SMARCC1: variants seen among roughly 807,000 people sequenced by gnomAD.
The protein encoded by SMARCC1 is SWI/SNF related BAF chromatin remodeling complex subunit C1.
A neutral mutation model predicts 147.4 loss-of-function variants in SMARCC1; 43 were observed. The ratio of observed to expected loss-of-function variants is 0.29; its 90% CI spans 0.23 to 0.38. The LOEUF is 0.38. Among genes scored for constraint, SMARCC1 ranks in the 10% least tolerant of loss-of-function variants. The probability of loss-of-function intolerance (pLI) is 1.00; values close to 1 mark genes in which losing one functional copy is unlikely to be tolerated. For missense variants in SMARCC1, 1,119 were observed against 1,381.1 expected (o/e 0.81, Z 3.01); for synonymous variants, 495 against 484.4 (o/e 1.02, Z -0.29).
intron 2 of SMARCC1, among the ~76,000 whole-genome samples, chr3:47,769,463 G>A (rs1025346080): frequency 2.2e-4 from 34 of 151,700 alleles, no homozygotes; most frequent in African/African-American, 6.8e-4. Context: ...TCCTGACCTC[G>A]TGATCCGCCC....
At chr3:47,680,737 C>T (rs1473834916) in intron 14 of SMARCC1, among the ~76,000 whole-genome samples, 5 of 151,336 alleles carry the variant, frequency 3.3e-5, no homozygotes, top group African/African-American at 7.3e-5. Context: ...TTAGTAGAGA[C>T]GGGGTTTCAC....
At chr3:47,639,999 T>C (rs2033028293) in intron 21 of SMARCC1, among the ~76,000 whole-genome samples, 1 of 151,932 alleles carries the variant, frequency 6.6e-6, no homozygotes, top group African/African-American at 2.4e-5. Flanking sequence ...TCAACAAATT[T>C]CAAATAACCA....
intron 24 of SMARCC1, among the ~76,000 whole-genome samples, chr3:47,625,618 G>A (rs908028308): frequency 3.3e-5 from 5 of 152,064 alleles, no homozygotes; most frequent in African/African-American, 1.2e-4. Flanking sequence ...TGGGAAAACT[G>A]AATATCCAAA....
At chr3:47,703,656 G>A (rs1010250499) in intron 10 of SMARCC1, among the ~76,000 whole-genome samples, 1 of 152,216 alleles carries the variant, frequency 6.6e-6, no homozygotes, top group African/African-American at 2.4e-5. Context: ...AGAAAAAGCT[G>A]TCTGAAACAG....
chr3:47,745,984 A>C lies in SMARCC1; in HGVS notation c.325T>G (p.Phe109Val). Residue 109 changes from phenylalanine (F) to valine (V), a missense_variant, in exon 3 of 28, where the codon TTC (phenylalanine) becomes GTC (valine). Phe to Val is a conservative substitution (Grantham distance 50, BLOSUM62 -1). This residue lies in a region of SMARCC1 where 542 missense variants were observed against 611.8 expected (regional missense o/e 0.89). Transcript: ENST00000254480. ...GCGCCTCCAGCTTTGAAATCCATGAAACACTTTGCCTAAAAATGATACAAA... is the reference window on the plus strand; with the variant it reads ...GCGCCTCCAGCTTTGAAATCCATGACACACTTTGCCTAAAAATGATACAAA... ...PAFTKLPAKCFMDFKAGGALC... is the reference protein window; with the variant it reads ...PAFTKLPAKCVMDFKAGGALC... 3.2e-6 allele frequency: 5 copies of C among 1,578,434 alleles called. No homozygotes were observed. Among genetic ancestry groups the C allele is most frequent in the Non-Finnish European group, 4.3e-6 (5 of 1,167,274 alleles).
chr3:47,622,381 T>A, intron 24 of SMARCC1, 40 bp from the exon 25 acceptor site: 1 of 1,600,444 alleles, frequency 6.2e-7, no homozygotes, highest in Non-Finnish European at 8.5e-7. Flanking sequence ...AGGTAAACAT[T>A]TGCTTAAAGA....
At chr3:47,666,178 G>A (rs2033417704) in intron 19 of SMARCC1, among the ~76,000 whole-genome samples, 1 of 151,952 alleles carries the variant, frequency 6.6e-6, no homozygotes, top group African/African-American at 2.4e-5. Flanking sequence ...ATTCCTACTA[G>A]GTATTGTGCC....
chr3:47,636,008 T>A lies in SMARCC1; in HGVS notation c.2491+14A>T, dbSNP rs1027174141. ...GTTTTACATAATAATATCTAAGGAG[T>A]TTCCTCAAATTACCTGATTTGGTAT... On this transcript the variant is annotated intron_variant, in intron 23 of 27. Coordinates refer to ENST00000254480, the MANE Select transcript of SMARCC1 (RefSeq NM_003074.4). 1 of 1,265,428 alleles carries A rather than the reference T, an allele frequency of 7.9e-7. No homozygotes were observed. Among genetic ancestry groups the A allele is most frequent in the Non-Finnish European group, 1.1e-6 (1 of 874,336 alleles). 78.4% of individuals were successfully genotyped at this position (1,265,428 alleles called of 1,614,324 possible).
In SMARCC1 at chr3:47,710,592, G is replaced by A. The variant is rs2034073119; in HGVS notation, c.918+91C>T. 47 of 1,308,804 alleles carry A rather than the reference G, an allele frequency of 3.6e-5. 1 individual carries two copies. The South Asian group carries it at 6.7e-4, about 19-fold the overall frequency. The allele number at this position is 1,308,804 out of a possible 1,614,324, so 81.1% of individuals were successfully genotyped here. ...AGGCAGATGTGAAAGTTCCTAAGTG[G>A]TTTGTATATGACAGCTTACTGATGA... On this transcript the variant is annotated intron_variant, in intron 9 of 27. Transcript: ENST00000254480.
In SMARCC1 at chr3:47,605,893, C is replaced by T. The variant is rs2032463714; in HGVS notation, c.3043+4173G>A. ...CGCTAGAAGTCAGGACAGTTGTTAT[C>T]CTTGGAAGGGAAGGTGACTCAGTAT... On this transcript the variant is annotated intron_variant, in intron 26 of 27. Transcript: ENST00000254480. Among the ~76,000 whole-genome samples the T allele has an allele frequency of 2.0e-5, 3 of 151,928 alleles. No individual in the cohort carries two copies. In the South Asian group the frequency reaches 6.2e-4, roughly 32 times the overall value.
chr3:47,608,315 T>A (rs1442774282), intron 26 of SMARCC1, among the ~76,000 whole-genome samples: 2 of 24,158 alleles, frequency 8.3e-5, no homozygotes, highest in Non-Finnish European at 7.8e-3. Context: ...CTCGAACTCC[T>A]GACTCAGGTG....
chr3:47,724,428 C>T (rs559734819), intron 6 of SMARCC1, among the ~76,000 whole-genome samples: 3 of 152,218 alleles, frequency 2.0e-5, no homozygotes, highest in South Asian at 4.1e-4. Context: ...CTAGAGTAGT[C>T]GAACTCTTAG....
chr3:47,755,930 C>T (rs1478067426), intron 2 of SMARCC1, among the ~76,000 whole-genome samples: 1 of 127,630 alleles, frequency 7.8e-6, no homozygotes, highest in Non-Finnish European at 1.6e-5. Flanking sequence ...GCGGAGGTTA[C>T]GGTGAGCTGA....
intron 25 of SMARCC1, among the ~76,000 whole-genome samples, chr3:47,618,786 T>C (rs901073651): frequency 3.9e-5 from 6 of 152,106 alleles, no homozygotes; most frequent in Non-Finnish European, 4.4e-5. Context: ...ACCTGCAGGT[T>C]CATTCTTTGA....
chr3:47,754,834 G>A (rs1168239017), intron 2 of SMARCC1, among the ~76,000 whole-genome samples: 1 of 152,156 alleles, frequency 6.6e-6, no homozygotes, highest in African/African-American at 2.4e-5. Flanking sequence ...CTGTAAGTCA[G>A]GAGTTCGAGA....
At chr3:47,660,823 T>C (rs2033335712) in intron 21 of SMARCC1, among the ~76,000 whole-genome samples, 2 of 152,128 alleles carry the variant, frequency 1.3e-5, no homozygotes, top group Non-Finnish European at 2.9e-5. Flanking sequence ...ACACACAGCA[T>C]TGTAAATATA....
chr3:47,764,994 G>A (rs1008259881), intron 2 of SMARCC1, among the ~76,000 whole-genome samples: 1 of 152,214 alleles, frequency 6.6e-6, no homozygotes, highest in African/African-American at 2.4e-5. Context: ...GCTCACGCCT[G>A]TAATCCCAGC....
At chr3:47,725,438 TTTATTA>T (rs937391386) in intron 6 of SMARCC1, among the ~76,000 whole-genome samples, 2 of 151,876 alleles carry the variant, frequency 1.3e-5, no homozygotes, top group African/African-American at 4.8e-5. Context: ...AATTGTGCAC[TTTATTA>T]TTATTATATA....
At chr3:47,762,747 C>A (rs957911489) in intron 2 of SMARCC1, among the ~76,000 whole-genome samples, 1 of 152,136 alleles carries the variant, frequency 6.6e-6, no homozygotes, top group Admixed American at 6.6e-5. Flanking sequence ...CATGGTGAAA[C>A]CCTGTCGCTA....
Sources: allele counts gnomAD v4.1 joint callset (sites outside exome capture counted in the v4.1 genomes callset), GRCh38; gene constraint gnomAD v4.1.1; regional missense constraint gnomAD v4.1.1; transcripts MANE v1.5; gene names NCBI Gene and HGNC (gene_info 2026-07-23, HGNC 2026-07-21).